Variants in TTLL11 observed in about 807,000 individuals in gnomAD.
TTLL11 encodes the protein tubulin polyglutamylase TTLL11.
A neutral mutation model predicts 51.7 loss-of-function variants in TTLL11; 42 were observed. The ratio of observed to expected loss-of-function variants is 0.81; its 90% CI spans 0.64 to 1.05. The LOEUF is 1.05. TTLL11 is among the 50% of genes least tolerant of loss of function. The pLI is 0.00. For missense variants in TTLL11, 799 were observed against 940.4 expected (o/e 0.85, Z 1.97); for synonymous variants, 381 against 383.5 (o/e 0.99, Z 0.08).
At chr9:122,086,690 C>T (rs2131936003) in intron 1 of TTLL11, among the ~76,000 whole-genome samples, 1 of 152,324 alleles carries the variant, frequency 6.6e-6, no homozygotes, top group Non-Finnish European at 1.5e-5. Flanking sequence ...CCAAATGCTC[C>T]CTCTGCCAGG....
At chr9:122,040,361 G>A (rs1340532713) in intron 1 of TTLL11, 1 of 985,042 alleles carries the variant, frequency 1.0e-6, no homozygotes. Flanking sequence ...TTTGAAGCCA[G>A]AAAATTTCTC....
intron 6 of TTLL11, among the ~76,000 whole-genome samples, chr9:121,971,058 G>A (rs1393719501): frequency 6.7e-6 from 1 of 148,266 alleles, no homozygotes; most frequent in African/African-American, 2.5e-5. Context: ...GCCCCGTCCG[G>A]GAGGGAGGTG....
At chr9:121,884,258 A>G (rs1371695551) in intron 6 of TTLL11, among the ~76,000 whole-genome samples, 1 of 151,998 alleles carries the variant, frequency 6.6e-6, no homozygotes, top group Non-Finnish European at 1.5e-5. Context: ...CCCAACACCC[A>G]TTCAAATCAA....
At chr9:122,052,507 G>A (rs1480034678) in intron 1 of TTLL11, among the ~76,000 whole-genome samples, 2 of 152,170 alleles carry the variant, frequency 1.3e-5, no homozygotes, top group Admixed American at 1.3e-4. Flanking sequence ...ACCTAGCACG[G>A]GGCCTGGCAC....
At chr9:122,028,345 C>A (rs1844416509) in intron 3 of TTLL11, among the ~76,000 whole-genome samples, 1 of 152,030 alleles carries the variant, frequency 6.6e-6, no homozygotes, top group Admixed American at 6.6e-5. Context: ...TTCATGCTGC[C>A]AACAAGAAGC....
intron 8 of TTLL11, among the ~76,000 whole-genome samples, chr9:121,846,993 G>A (rs1055321524): frequency 6.6e-6 from 1 of 152,222 alleles, no homozygotes; most frequent in African/African-American, 2.4e-5. Flanking sequence ...GGCGGATCAC[G>A]AGGTCAAGAG....
chr9:121,934,374 T>A (rs927066945), intron 6 of TTLL11, among the ~76,000 whole-genome samples: 2 of 152,238 alleles, frequency 1.3e-5, no homozygotes, highest in Non-Finnish European at 2.9e-5. Flanking sequence ...CCGAATGTTG[T>A]GCATTTCATT....
intron 6 of TTLL11, chr9:121,884,732 T>C (rs948839136): frequency 9.2e-5 from 14 of 152,238 alleles, no homozygotes; most frequent in African/African-American, 3.1e-4. Flanking sequence ...GGAACAATTA[T>C]TAATTTCTCA....
chr9:121,910,407 C>T (rs1840073455), intron 6 of TTLL11, among the ~76,000 whole-genome samples: 1 of 152,242 alleles, frequency 6.6e-6, no homozygotes, highest in Non-Finnish European at 1.5e-5. Flanking sequence ...TTCGTAACAG[C>T]TCTTTAACAT....
intron 8 of TTLL11, among the ~76,000 whole-genome samples, chr9:121,847,966 C>A (rs1167583582): frequency 6.6e-6 from 1 of 152,034 alleles, no homozygotes; most frequent in Non-Finnish European, 1.5e-5. Flanking sequence ...TTTAAGAGGC[C>A]AAAGTAGGAG....
chr9:122,028,473 G>A (rs998192704), intron 3 of TTLL11, among the ~76,000 whole-genome samples: 1 of 152,070 alleles, frequency 6.6e-6, no homozygotes, highest in Non-Finnish European at 1.5e-5. Flanking sequence ...ATAGACTTCA[G>A]GACAAGTTAC....
intron 6 of TTLL11, among the ~76,000 whole-genome samples, chr9:121,898,354 T>C (rs1839624267): frequency 6.6e-6 from 1 of 152,242 alleles, no homozygotes; most frequent in Admixed American, 6.5e-5. Context: ...CAGGAGGCAC[T>C]GCTGCTGCCT....
Position 122,025,151 on chromosome 9 carries a change from A to G in TTLL11, c.693+6572T>C, listed in dbSNP as rs188184025. Among the ~76,000 whole-genome samples, 108 of 151,424 alleles carry G rather than the reference A, an allele frequency of 7.1e-4. 1 individual carries two copies. Among genetic ancestry groups the G allele is most frequent in the African/African-American group, 2.4e-3 (100 of 41,198 alleles). Reference sequence around the variant, plus strand: ...CAAAGCTCAATAATAAAAATAAACAACCCAATTAAAAAAAAATAGGCAAAA... The same window carrying G: ...CAAAGCTCAATAATAAAAATAAACAGCCCAATTAAAAAAAAATAGGCAAAA... On this transcript the variant is annotated intron_variant, in intron 3 of 8. Transcript: ENST00000321582.
intron 4 of TTLL11, among the ~76,000 whole-genome samples, chr9:121,978,253 A>T (rs1842758071): frequency 6.6e-6 from 1 of 152,170 alleles, no homozygotes; most frequent in African/African-American, 2.4e-5. Flanking sequence ...AAACAGAATC[A>T]CAGAACTGGG....
At chr9:121,980,174 A>G (rs371669572) in intron 4 of TTLL11, among the ~76,000 whole-genome samples, 5 of 151,152 alleles carry the variant, frequency 3.3e-5, no homozygotes, top group African/African-American at 7.4e-5. Flanking sequence ...TAGGAGGGCC[A>G]GGGGGGCCTT....
intron 3 of TTLL11, among the ~76,000 whole-genome samples, chr9:122,021,650 A>T (rs530416127): frequency 6.6e-6 from 1 of 152,314 alleles, no homozygotes; most frequent in Non-Finnish European, 1.5e-5. Flanking sequence ...TGCTTAACAA[A>T]TCTTGAAAAT....
At chr9:122,092,214 A>G (rs903686349) in intron 1 of TTLL11, among the ~76,000 whole-genome samples, 3 of 152,230 alleles carry the variant, frequency 2.0e-5, no homozygotes, top group Non-Finnish European at 4.4e-5. Flanking sequence ...TCAAGGTCAC[A>G]CAGCTAAGTA....
Position 121,989,471 on chromosome 9 carries a change from G to C in TTLL11, c.993C>G (p.Thr331=). The C allele has an allele frequency of 6.2e-7, 1 of 1,614,160 alleles. No individual in the cohort carries two copies. Among genetic ancestry groups the C allele is most frequent in the Non-Finnish European group, 8.5e-7 (1 of 1,180,050 alleles). Residue 331 remains threonine (T), a synonymous_variant, in exon 4 of 9, where the codon ACC becomes ACG. Coordinates refer to ENST00000321582, the MANE Select transcript of TTLL11 (RefSeq NM_001139442.2). The surrounding 1 kb of genome is among the most constrained non-coding windows in gnomAD (Gnocchi z 4.2). ...RFCTEPYQEP[T]PKNLHRIFMH... Reference sequence around the variant, plus strand: ...TAAAGATGCGGTGCAGGTTTTTGGGGGTGGGCTCCTGATATGGCTCGGTAC... The same window carrying C: ...TAAAGATGCGGTGCAGGTTTTTGGGCGTGGGCTCCTGATATGGCTCGGTAC...
intron 6 of TTLL11, among the ~76,000 whole-genome samples, chr9:121,895,285 T>C (rs946678033): frequency 6.6e-6 from 1 of 151,802 alleles, no homozygotes; most frequent in Non-Finnish European, 1.5e-5. Flanking sequence ...GCTATGTTTG[T>C]GTGTGTTTGT....
Sources: gnomAD v4.1 joint callset for allele counts (sites outside exome capture counted in the v4.1 genomes callset) on GRCh38, gnomAD v4.1.1 for gene constraint, Gnocchi (gnomAD v3.1) non-coding constraint, MANE v1.5 for transcripts, NCBI Gene and HGNC (gene_info 2026-07-23, HGNC 2026-07-21) for gene names.